Variants in NARF observed in about 807,000 individuals in gnomAD.
NARF encodes the protein nuclear prelamin A recognition factor, also known as iron-only hydrogenase-like protein 2.
A neutral mutation model predicts 48.0 loss-of-function variants in NARF; 41 were observed. The ratio of observed to expected loss-of-function variants is 0.85; its 90% CI spans 0.66 to 1.11. The LOEUF is 1.11. Ranked by LOEUF, NARF falls within the 50% of genes least tolerant of loss-of-function variation. The pLI is 0.00. For synonymous variants in NARF, 215 were observed against 225.5 expected (o/e 0.95, Z 0.42); for missense variants, 613 against 590.2 (o/e 1.04, Z -0.40).
intron 4 of NARF, among the ~76,000 whole-genome samples, chr17:82,469,559 A>G (rs2043649211): frequency 6.6e-6 from 1 of 151,994 alleles, no homozygotes; most frequent in Non-Finnish European, 1.5e-5. Context: ...AGAAAGGGAA[A>G]ATGAGCGAGT....
chr17:82,467,510 T>TG (rs2043598183), intron 3 of NARF, among the ~76,000 whole-genome samples: 1 of 152,042 alleles, frequency 6.6e-6, no homozygotes, highest in South Asian at 2.1e-4. Flanking sequence ...TTTTTGGAGA[T>TG]GGAGTCTCAC....
upstream of NARF, chr17:82,458,525 T>G: frequency 2.5e-6 from 1 of 396,996 alleles, no homozygotes; most frequent in Non-Finnish European, 4.4e-6. Context: ...GGAGTGAGCC[T>G]GCGGTCCGCC....
At chr17:82,458,559 G>A (rs1246699817), upstream of NARF, 1 of 459,328 alleles carries the variant, frequency 2.2e-6, no homozygotes, top group East Asian at 3.6e-5. Flanking sequence ...TTGGCTCTGG[G>A]GCCTGGCCCG....
At chr17:82,472,813 G>C in intron 5 of NARF, 115 bp downstream of exon 5, 2 of 1,301,962 alleles carry the variant, frequency 1.5e-6, no homozygotes, top group Non-Finnish European at 2.0e-6. Context: ...CAGCCTTGTA[G>C]ACCAGGAGGG....
At chr17:82,464,961 C>T (rs2043529279) in intron 3 of NARF, among the ~76,000 whole-genome samples, 1 of 152,188 alleles carries the variant, frequency 6.6e-6, no homozygotes, top group African/African-American at 2.4e-5. Flanking sequence ...AGTCCATTCT[C>T]ACATTGCTAC....
rs775661095 is a variant in NARF, at chr17:82,465,698, T to C, written c.252+1268T>C. On this transcript the variant is annotated intron_variant, in intron 3 of 10. Coordinates refer to ENST00000309794, the MANE Select transcript of NARF (RefSeq NM_012336.4). ...GGCTCCCTGTAGCCTCCAGAGCAGCTGGGACTACAGACGCGTGCTACCACA... is the reference window on the plus strand; with the variant it reads ...GGCTCCCTGTAGCCTCCAGAGCAGCCGGGACTACAGACGCGTGCTACCACA... Among the ~76,000 whole-genome samples, 245 of 152,250 alleles carry C rather than the reference T, an allele frequency of 1.6e-3. 1 individual carries two copies. Among genetic ancestry groups the C allele is most frequent in the Non-Finnish European group, 2.8e-3 (192 of 68,016 alleles).
intron 7 of NARF, chr17:82,481,729 T>TAA: frequency 2.6e-6 from 1 of 381,374 alleles, no homozygotes; most frequent in Non-Finnish European, 4.9e-6. Context: ...AAACTTTGTC[T>TAA]CAAAAAAAAA....
chr17:82,484,695 G>C, intron 8 of NARF, 118 bp from the exon 9 acceptor site: 1 of 1,311,158 alleles, frequency 7.6e-7, no homozygotes, highest in Non-Finnish European at 1.0e-6. Flanking sequence ...ATCTGTACAG[G>C]ATTTAGCTTC....
At chr17:82,467,305 C>T (rs2043593558) in intron 3 of NARF, among the ~76,000 whole-genome samples, 1 of 152,144 alleles carries the variant, frequency 6.6e-6, no homozygotes, top group Non-Finnish European at 1.5e-5. Flanking sequence ...CCCCGGCCTC[C>T]CAAAGTGCTG....
chr17:82,458,789 C>A lies in NARF; in HGVS notation c.-15C>A. The A allele has an allele frequency of 6.8e-7, 1 of 1,464,022 alleles. No individual in the cohort carries two copies. Among genetic ancestry groups the A allele is most frequent in the South Asian group, 1.4e-5 (1 of 71,626 alleles). 90.7% of individuals were successfully genotyped at this position (1,464,022 alleles called of 1,614,324 possible). A position where few individuals can be genotyped will look rare whatever the true frequency, so the allele number is the denominator to read the frequency against. On this transcript the variant is annotated 5_prime_UTR_variant, in exon 1 of 11. Coordinates refer to ENST00000309794, the MANE Select transcript of NARF (RefSeq NM_012336.4). ...TGAGGCTGAGGCGCCCGGCCTCCCG[C>A]CCGCCGCGCTCCAGATGAAGTGTGA...
chr17:82,466,996 T>A (rs1186430960), intron 3 of NARF, among the ~76,000 whole-genome samples: 1 of 135,374 alleles, frequency 7.4e-6, no homozygotes, highest in Non-Finnish European at 1.6e-5. Flanking sequence ...CCTGGCCTTC[T>A]TTTTTTTTTT....
chr17:82,466,036 G>A (rs973031638), intron 3 of NARF, among the ~76,000 whole-genome samples: 6 of 152,146 alleles, frequency 3.9e-5, no homozygotes, highest in Non-Finnish European at 7.4e-5. Context: ...AGCCAGGTTC[G>A]CCATGCATAC....
chr17:82,475,525 A>G (rs1249984780), intron 5 of NARF, among the ~76,000 whole-genome samples: 1 of 152,174 alleles, frequency 6.6e-6, no homozygotes, highest in Non-Finnish European at 1.5e-5. Context: ...GGAACCCAGG[A>G]GGTCGAGGCT....
chr17:82,472,816 C>T (rs1411053318), intron 5 of NARF, 118 bp downstream of exon 5: 5 of 1,294,244 alleles, frequency 3.9e-6, no homozygotes, highest in Non-Finnish European at 5.1e-6. Flanking sequence ...CCTTGTAGAC[C>T]AGGAGGGAAG....
upstream of NARF, chr17:82,458,243 T>G (rs551863542): frequency 6.5e-6 from 1 of 152,714 alleles, no homozygotes; most frequent in Admixed American, 6.5e-5. Flanking sequence ...ACGAGGGCTG[T>G]GCCCCCGGCC....
intron 5 of NARF, chr17:82,476,953 A>G (rs1195394447): frequency 1.3e-5 from 2 of 150,498 alleles, no homozygotes; most frequent in Admixed American, 6.6e-5. Context: ...CTGGAATAGA[A>G]CTCCCGACCT....
chr17:82,462,419 C>T (rs568643462), intron 2 of NARF, among the ~76,000 whole-genome samples: 7 of 152,242 alleles, frequency 4.6e-5, no homozygotes, highest in African/African-American at 1.4e-4. Context: ...TGGAGGTAAC[C>T]GACTTAAGCT....
Position 82,481,115 on chromosome 17 carries a change from G to A in NARF, c.673G>A (p.Val225Met). The A allele has an allele frequency of 6.2e-7, 1 of 1,614,052 alleles. No individual in the cohort carries two copies. Among genetic ancestry groups the A allele is most frequent in the Non-Finnish European group, 8.5e-7 (1 of 1,179,998 alleles). The change falls in exon 7 of 11, where the codon GTG (valine) becomes ATG (methionine). Residue 225 changes from valine (V) to methionine (M), a missense_variant. Transcript: ENST00000309794. ...TCCAGAGAAGATTTTCCACGTCATT[G>A]TGGCCCCTTGTTATGACAAGAAGCT... Reference protein sequence around the residue: ...LSPEKIFHVIVAPCYDKKLEA... With the variant: ...LSPEKIFHVIMAPCYDKKLEA...
intron 5 of NARF, among the ~76,000 whole-genome samples, chr17:82,476,286 C>CGTG (rs1303720062): frequency 6.6e-6 from 1 of 151,968 alleles, no homozygotes; most frequent in Admixed American, 6.6e-5. Flanking sequence ...GGATTACAGG[C>CGTG]ACTTGCCACC....
Sources: allele counts gnomAD v4.1 joint callset (sites outside exome capture counted in the v4.1 genomes callset), GRCh38; gene constraint gnomAD v4.1.1; transcripts MANE v1.5; gene names NCBI Gene and HGNC (gene_info 2026-07-23, HGNC 2026-07-21).